The following AHRR variants were observed in gnomAD, a reference collection of about 807,000 sequenced individuals.
The protein encoded by AHRR is ahR repressor.
AHRR carries 28 observed loss-of-function variants against 44.0 expected under a neutral mutation model. That is an observed-to-expected ratio of 0.64 (90% confidence interval 0.47 to 0.87). AHRR has a LOEUF of 0.87. Ranked by LOEUF, AHRR falls within the 40% of genes least tolerant of loss-of-function variation. The pLI is 0.00. For synonymous variants in AHRR, 434 were observed against 407.0 expected (o/e 1.07, Z -0.80); for missense variants, 990 against 953.9 (o/e 1.04, Z -0.50).
intron 3 of AHRR, among the ~76,000 whole-genome samples, chr5:365,022 A>G (rs1369869768): frequency 6.6e-6 from 1 of 152,156 alleles, no homozygotes; most frequent in African/African-American, 2.4e-5. Context: ...ACTATAAGGA[A>G]GAATATATAA....
Position 366,293 on chromosome 5 carries a change from G to A in AHRR, c.245-10317G>A, listed in dbSNP as rs551752710. ...GGCAGTGGTCACCAGGGATGAAGACGTGTCACAGGACACAGAAGCCGTCTT... is the reference window on the plus strand; with the variant it reads ...GGCAGTGGTCACCAGGGATGAAGACATGTCACAGGACACAGAAGCCGTCTT... On this transcript the variant is annotated intron_variant, in intron 3 of 10. Transcript: ENST00000684583. Among the ~76,000 whole-genome samples the A allele has an allele frequency of 6.6e-5, 10 of 152,278 alleles. No homozygotes were observed. The South Asian group carries it at 1.0e-3, about 16-fold the overall frequency.
chr5:359,290 GTCC>G, intron 3 of AHRR, among the ~76,000 whole-genome samples: 2 of 41,344 alleles, frequency 4.8e-5, no homozygotes, highest in African/African-American at 1.1e-4. Flanking sequence ...CAGTCACGGA[GTCC>G]ACCCGGGCAG....
In AHRR at chr5:384,472, G is replaced by A. The variant is rs1024848255; in HGVS notation, c.351+7756G>A. 5.8e-4 allele frequency among the ~76,000 whole-genome samples: 88 copies of A among 152,116 alleles called. 4 individuals are homozygous for A. Among genetic ancestry groups the A allele is most frequent in the Admixed American group, 6.5e-5 (1 of 15,272 alleles). On this transcript the variant is annotated intron_variant, in intron 4 of 10. Transcript: ENST00000684583. ...GAGTTTTGCTCTTATCACCCAGACT[G>A]GAGTGCAATGGCATGATCTCGATTC...
chr5:434,935 C>T lies in AHRR; in HGVS notation c.*101C>T, dbSNP rs1257148055. 1.4e-6 allele frequency: 2 copies of T among 1,438,224 alleles called. No homozygotes were observed. Among genetic ancestry groups the T allele is most frequent in the African/African-American group, 2.8e-5 (2 of 70,680 alleles). The allele number at this position is 1,438,224 out of a possible 1,614,324, so 89.1% of individuals were successfully genotyped here. On this transcript the variant is annotated 3_prime_UTR_variant, in exon 11 of 11. Transcript: ENST00000684583. Reference sequence around the variant, plus strand: ...GGTCAGGCCGGAGCCCGTCCTAAGACACACGCTTTGCAGAGCTGTGCATGC... The same window carrying T: ...GGTCAGGCCGGAGCCCGTCCTAAGATACACGCTTTGCAGAGCTGTGCATGC...
intron 2 of AHRR, among the ~76,000 whole-genome samples, chr5:351,991 AG>A (rs1039970099): frequency 6.6e-6 from 1 of 152,266 alleles, no homozygotes; most frequent in Non-Finnish European, 1.5e-5. Context: ...GTATGTGCCA[AG>A]GTCCCAGGAA....
rs533380490 is a variant in AHRR, at chr5:405,892, T to A, written c.352-7452T>A. ...CTCTCGGTCTGAGGCTGCGTCCTTCTGGTGTGGCTTTCCTCCTGAATTAGG... is the reference window on the plus strand; with the variant it reads ...CTCTCGGTCTGAGGCTGCGTCCTTCAGGTGTGGCTTTCCTCCTGAATTAGG... On this transcript the variant is annotated intron_variant, in intron 4 of 10. Transcript: ENST00000684583. This position sits in a 1 kb window ranked among gnomAD's most constrained non-coding sequence, Gnocchi z 4.5. Among the ~76,000 whole-genome samples, 7 of 152,368 alleles carry A rather than the reference T, an allele frequency of 4.6e-5. No individual in the cohort carries two copies. The East Asian group carries it at 1.4e-3, about 29-fold the overall frequency.
intron 1 of AHRR, among the ~76,000 whole-genome samples, chr5:340,898 A>G (rs1375246113): frequency 2.7e-5 from 4 of 148,144 alleles, no homozygotes; most frequent in Non-Finnish European, 6.0e-5. Flanking sequence ...GGGTTTCACC[A>G]TGTTGGCCAG....
At chr5:422,398 T>A in intron 5 of AHRR, 1 of 373,296 alleles carries the variant, frequency 2.7e-6, no homozygotes, top group Non-Finnish European at 5.1e-6. Context: ...TCACAAAGAG[T>A]CCAAGTCGAC....
intron 4 of AHRR, among the ~76,000 whole-genome samples, chr5:382,148 A>G (rs1185922978): frequency 6.6e-6 from 1 of 152,126 alleles, no homozygotes; most frequent in Non-Finnish European, 1.5e-5. Flanking sequence ...TTTGATTTTG[A>G]TGGGTTTGAA....
chr5:344,952 T>C (rs1251115937), intron 2 of AHRR, among the ~76,000 whole-genome samples: 1 of 18,392 alleles, frequency 5.4e-5, no homozygotes, highest in Admixed American at 5.8e-4. Flanking sequence ...GGGGGGGGTG[T>C]GTGTGTGAGG....
intron 4 of AHRR, among the ~76,000 whole-genome samples, chr5:399,709 G>A (rs1299040243): frequency 6.6e-6 from 1 of 152,216 alleles, no homozygotes; most frequent in Non-Finnish European, 1.5e-5. Flanking sequence ...CCAGAAGGGG[G>A]CCCAGGACAC....
chr5:364,118 G>T (rs976379755), intron 3 of AHRR, among the ~76,000 whole-genome samples: 29 of 152,104 alleles, frequency 1.9e-4, no homozygotes, highest in African/African-American at 6.3e-4. Flanking sequence ...AAAACTTCAA[G>T]AAAAAATATT....
In AHRR at chr5:403,720, C is replaced by G. The variant is rs529897415; in HGVS notation, c.352-9624C>G. The stretch of plus-strand genomic sequence containing the variant: ...TACTTTCTCTCAGAGGCATATTTTT[C>G]CGTATTAAAATTACTGATGCAGAAC... On this transcript the variant is annotated intron_variant, in intron 4 of 10. Transcript: ENST00000684583. 2.5e-5 allele frequency: 25 copies of G among 998,354 alleles called. No individual in the cohort carries two copies. The African/African-American group carries it at 4.2e-4, about 17-fold the overall frequency. The allele number at this position is 998,354 out of a possible 1,614,324, so 61.8% of individuals were successfully genotyped here. A position where few individuals can be genotyped will look rare whatever the true frequency, so the allele number is the denominator to read the frequency against.
chr5:416,360 C>A (rs1048942710), intron 5 of AHRR, among the ~76,000 whole-genome samples: 18 of 152,286 alleles, frequency 1.2e-4, no homozygotes, highest in African/African-American at 4.3e-4. Context: ...TGTGGCCAGA[C>A]CACGGGGCCA....
intron 1 of AHRR, among the ~76,000 whole-genome samples, chr5:324,991 C>T (rs1031027135): frequency 6.6e-6 from 1 of 152,198 alleles, no homozygotes. Flanking sequence ...GAGCTGGAGA[C>T]ACCTGGGAGA....
At chr5:341,373 A>G (rs554559492) in intron 1 of AHRR, among the ~76,000 whole-genome samples, 184 of 152,068 alleles carry the variant, frequency 1.2e-3, no homozygotes, top group African/African-American at 4.2e-3. Flanking sequence ...CCTCTCTTTC[A>G]TTCCTGATAT....
intron 8 of AHRR, among the ~76,000 whole-genome samples, chr5:431,181 T>C (rs1411192250): frequency 6.6e-6 from 1 of 152,214 alleles, no homozygotes; most frequent in Non-Finnish European, 1.5e-5. Context: ...CGCACAGCCC[T>C]GTCCCGGCCC....
chr5:329,445 GTCT>G (rs1217262688), intron 1 of AHRR, among the ~76,000 whole-genome samples: 2 of 152,132 alleles, frequency 1.3e-5, no homozygotes, highest in South Asian at 2.1e-4. Flanking sequence ...GCCTCAAGCA[GTCT>G]TCTTGCTTTG....
At chr5:354,134 G>A (rs530421496) in intron 3 of AHRR, among the ~76,000 whole-genome samples, 69 of 152,334 alleles carry the variant, frequency 4.5e-4, no homozygotes, top group South Asian at 2.1e-3. Context: ...AGCTGTCCTC[G>A]ACACTCTCAG....
Sources: gnomAD v4.1 joint callset for allele counts (sites outside exome capture counted in the v4.1 genomes callset) on GRCh38, gnomAD v4.1.1 for gene constraint, Gnocchi (gnomAD v3.1) non-coding constraint, MANE v1.5 for transcripts, NCBI Gene and HGNC (gene_info 2026-07-23, HGNC 2026-07-21) for gene names.